IL1RAPL1: variants seen among roughly 807,000 people sequenced by gnomAD.
The protein encoded by IL1RAPL1 is interleukin-1 receptor accessory protein-like 1.
A neutral mutation model predicts 48.4 loss-of-function variants in IL1RAPL1; 3 were observed. The ratio of observed to expected loss-of-function variants is 0.06; its 90% CI spans 0.03 to 0.16. IL1RAPL1 has a LOEUF of 0.16. Ranked by LOEUF, IL1RAPL1 falls within the 10% of genes least tolerant of loss-of-function variation. The probability of loss-of-function intolerance (pLI) is 1.00; values close to 1 mark genes in which losing one functional copy is unlikely to be tolerated. For missense variants in IL1RAPL1, 349 were observed against 530.6 expected (o/e 0.66, Z 3.36); for synonymous variants, 185 against 187.7 (o/e 0.99, Z 0.12).
chrX:28,994,893 T>C (rs1925693786), intron 2 of IL1RAPL1, among the ~76,000 whole-genome samples: 1 of 111,905 alleles, frequency 8.9e-6, no homozygotes, highest in Non-Finnish European at 1.9e-5. Context: ...GCAAATTATA[T>C]GCCTTCAGCA....
At chrX:29,750,365 CA>C (rs1288197101) in intron 6 of IL1RAPL1, among the ~76,000 whole-genome samples, 1 of 111,477 alleles carries the variant, frequency 9.0e-6, no homozygotes, top group Non-Finnish European at 1.9e-5. Flanking sequence ...GTTTGGGAAA[CA>C]AATAATTGTG....
chrX:29,955,658 A>G lies in IL1RAPL1; in HGVS notation c.1929A>G (p.Ile643Met). ...PPTGTLPLTS[I>M]GNQHTYCNIP... ...CCGGCACCCTGCCTCTTACCTCCATAGGCAATCAGCATACCTACTGTAACA... is the reference window on the plus strand; with the variant it reads ...CCGGCACCCTGCCTCTTACCTCCATGGGCAATCAGCATACCTACTGTAACA... Residue 643 changes from isoleucine to methionine, a missense_variant, in exon 11 of 11, where the codon ATA becomes ATG. Physicochemically the swap from Ile to Met is conservative, Grantham distance 10. Coordinates refer to ENST00000378993, the MANE Select transcript of IL1RAPL1 (RefSeq NM_014271.4). 2 of 1,211,332 alleles carry G rather than the reference A, an allele frequency of 1.7e-6. No individual in the cohort carries two copies. The highest frequency in any genetic ancestry group is 3.0e-5 in the East Asian group (1 of 33,841).
intron 9 of IL1RAPL1, among the ~76,000 whole-genome samples, chrX:29,952,146 C>T (rs1226671886): frequency 8.9e-6 from 1 of 111,771 alleles, no homozygotes; most frequent in African/African-American, 3.3e-5. Flanking sequence ...TTTCTGAATG[C>T]TCCGTTCTTA....
chrX:29,237,074 A>G (rs1931323142), intron 2 of IL1RAPL1, among the ~76,000 whole-genome samples: 1 of 111,185 alleles, frequency 9.0e-6, no homozygotes, highest in African/African-American at 3.3e-5. Flanking sequence ...CTCACAGCCC[A>G]GAGAAAAACA....
intron 1 of IL1RAPL1, among the ~76,000 whole-genome samples, chrX:28,641,674 C>T (rs1934543764): frequency 9.0e-6 from 1 of 111,607 alleles, no homozygotes; most frequent in Admixed American, 9.6e-5. Flanking sequence ...AACTAATTTA[C>T]ACTCCCACCA....
intron 9 of IL1RAPL1, among the ~76,000 whole-genome samples, chrX:29,942,283 A>G (rs1933143181): frequency 8.9e-6 from 1 of 112,419 alleles, no homozygotes; most frequent in Non-Finnish European, 1.9e-5. Flanking sequence ...TTATTTAGCT[A>G]TATTTAGATA....
intron 2 of IL1RAPL1, among the ~76,000 whole-genome samples, chrX:29,165,144 C>T (rs1569250009): frequency 9.0e-6 from 1 of 111,646 alleles, no homozygotes; most frequent in Non-Finnish European, 1.9e-5. Flanking sequence ...TGAGGTGAAA[C>T]CTCATCTCTA....
At chrX:29,721,486 A>G (rs1359295756) in intron 6 of IL1RAPL1, among the ~76,000 whole-genome samples, 1 of 111,362 alleles carries the variant, frequency 9.0e-6, no homozygotes, top group Non-Finnish European at 1.9e-5. Context: ...GTCAACTCAC[A>G]ATATAAAACC....
chrX:29,350,578 C>A (rs1448365711), intron 3 of IL1RAPL1, among the ~76,000 whole-genome samples: 2 of 101,265 alleles, frequency 2.0e-5, no homozygotes, highest in African/African-American at 7.3e-5. Flanking sequence ...TGAGTGGTTC[C>A]AGTCTGAGTG....
At chrX:28,905,473 A>T (rs765545439) in intron 2 of IL1RAPL1, among the ~76,000 whole-genome samples, 1 of 111,959 alleles carries the variant, frequency 8.9e-6, no homozygotes, top group African/African-American at 3.2e-5. Flanking sequence ...GTGTAAATAT[A>T]TAGAGAAGAA....
chrX:29,803,002 CATAT>C (rs1930033439), intron 6 of IL1RAPL1, among the ~76,000 whole-genome samples: 1 of 66,809 alleles, frequency 1.5e-5, no homozygotes, highest in Non-Finnish European at 2.6e-5. Context: ...TATATGTATG[CATAT>C]ATACATATGT....
Position 29,651,251 on chromosome X carries a change from T to C in IL1RAPL1, c.704-17179T>C, listed in dbSNP as rs188982040. On this transcript the variant is annotated intron_variant, in intron 5 of 10. Coordinates refer to ENST00000378993, the MANE Select transcript of IL1RAPL1 (RefSeq NM_014271.4). ...AATTAAAAATAGAGCCATAATATGA[T>C]CCAGTAATTCCACTCCTCGGTATAT... is the stretch of plus-strand genomic sequence containing the variant. Among the ~76,000 whole-genome samples the C allele has an allele frequency of 4.5e-5, 5 of 111,086 alleles. No individual in the cohort carries two copies. In the East Asian group the frequency reaches 1.4e-3, roughly 31 times the overall value.
At chrX:29,441,359 A>G (rs969390336) in intron 5 of IL1RAPL1, among the ~76,000 whole-genome samples, 1 of 112,200 alleles carries the variant, frequency 8.9e-6, no homozygotes, top group African/African-American at 3.2e-5. Flanking sequence ...TCCTTGTTGA[A>G]TATGTTTGTG....
chrX:29,454,061 ATG>A (rs113258284), intron 5 of IL1RAPL1, among the ~76,000 whole-genome samples: 30 of 112,270 alleles, frequency 2.7e-4, no homozygotes, highest in African/African-American at 9.4e-4. Context: ...GATATCTTCA[ATG>A]GACTATCCCA....
At chrX:29,743,779 G>A (rs1423342050) in intron 6 of IL1RAPL1, among the ~76,000 whole-genome samples, 1 of 111,888 alleles carries the variant, frequency 8.9e-6, no homozygotes, top group Non-Finnish European at 1.9e-5. Flanking sequence ...CACCGCACCC[G>A]GCCAAGGTCT....
chrX:29,236,780 A>G (rs1931316639), intron 2 of IL1RAPL1, among the ~76,000 whole-genome samples: 1 of 103,519 alleles, frequency 9.7e-6, no homozygotes, highest in African/African-American at 3.6e-5. Flanking sequence ...CGTGTTAGCC[A>G]GGATGGTCTC....
chrX:29,544,874 A>G (rs1221153083), intron 5 of IL1RAPL1, among the ~76,000 whole-genome samples: 3 of 109,914 alleles, frequency 2.7e-5, no homozygotes, highest in African/African-American at 1.0e-4. Context: ...GCTTTTAAAG[A>G]GGTAATTACG....
intron 2 of IL1RAPL1, among the ~76,000 whole-genome samples, chrX:29,162,676 C>T (rs1014959989): frequency 9.0e-6 from 1 of 110,792 alleles, no homozygotes; most frequent in African/African-American, 3.3e-5. Context: ...TCTTAAATAT[C>T]GCCCAGGGAG....
At chrX:29,199,742 C>T (rs894876293) in intron 2 of IL1RAPL1, among the ~76,000 whole-genome samples, 1 of 111,966 alleles carries the variant, frequency 8.9e-6, no homozygotes, top group Non-Finnish European at 1.9e-5. Flanking sequence ...TAACAGGCCA[C>T]GGACTGGCCC....
Sources: allele counts gnomAD v4.1 joint callset (sites outside exome capture counted in the v4.1 genomes callset), GRCh38; gene constraint gnomAD v4.1.1; transcripts MANE v1.5; gene names NCBI Gene and HGNC (gene_info 2026-07-23, HGNC 2026-07-21).